Variants in CTNNB1 observed in about 807,000 individuals in gnomAD.
CTNNB1 encodes catenin beta 1, also known as catenin beta-1.
Under a neutral mutation model 82.5 loss-of-function variants are expected in CTNNB1, and 6 were observed. The ratio of observed to expected loss-of-function variants is 0.07; its 90% CI spans 0.04 to 0.14. The LOEUF (loss-of-function observed/expected upper bound fraction) is 0.14, where lower values mean the gene tolerates loss of function less well. CTNNB1 is among the 10% of genes least tolerant of loss of function. The pLI, the probability that CTNNB1 is intolerant of heterozygous loss-of-function variation, is 1.00. For synonymous variants in CTNNB1, 312 were observed against 329.7 expected (o/e 0.95, Z 0.58); for missense variants, 529 against 980.4 (o/e 0.54, Z 6.15).
Position 41,224,136 on chromosome 3 carries a change from A to G in CTNNB1, c.13+55A>G. 3 of 1,603,588 alleles carry G rather than the reference A, an allele frequency of 1.9e-6. No homozygotes were observed. In the African/African-American group the frequency reaches 4.0e-5, roughly 21 times the overall value. On this transcript the variant is annotated intron_variant, in intron 2 of 14. Transcript: ENST00000349496. ...ATTGGGGCTCTGCTTCGTTGCCATT[A>G]AGCCAGTCTGGCTGAGATCCCCCTG...
chr3:41,207,180 T>C (rs2125589315), intron 1 of CTNNB1, among the ~76,000 whole-genome samples: 1 of 152,314 alleles, frequency 6.6e-6, no homozygotes, highest in East Asian at 1.9e-4. Context: ...CTAGAAAGTT[T>C]ACAGATGAGA....
At chr3:41,236,003 C>T in intron 11 of CTNNB1, 160 bp downstream of exon 11, 1 of 902,458 alleles carries the variant, frequency 1.1e-6, no homozygotes, top group Non-Finnish European at 1.8e-6. Flanking sequence ...AACATTGAGA[C>T]TTGAGAAGAG....
chr3:41,234,516 G>A (rs1293741793), intron 10 of CTNNB1: 2 of 580,690 alleles, frequency 3.4e-6, no homozygotes, highest in Non-Finnish European at 6.1e-6. Flanking sequence ...CCTTCACATG[G>A]TCAGTCTTAC....
At chr3:41,227,079 G>A (rs1246295586) in intron 6 of CTNNB1, 129 bp from the exon 7 acceptor site, 2 of 781,046 alleles carry the variant, frequency 2.6e-6, no homozygotes, top group African/African-American at 3.4e-5. Flanking sequence ...TGGGGTCCAG[G>A]AATACATTTA....
intron 1 of CTNNB1, among the ~76,000 whole-genome samples, chr3:41,200,675 A>G (rs2077508292): frequency 1.3e-5 from 2 of 152,342 alleles, no homozygotes; most frequent in South Asian, 4.1e-4. Flanking sequence ...ATGGAATTCA[A>G]GCATTGCAAC....
At chr3:41,220,491 T>A (rs2078021962) in intron 1 of CTNNB1, 2 of 141,892 alleles carry the variant, frequency 1.4e-5, no homozygotes, top group East Asian at 4.2e-4. Flanking sequence ...ACTTAAAATG[T>A]TAGTGTTGCA....
rs1559475103 is a variant in CTNNB1, at chr3:41,234,308, T to G, written c.1683+11T>G. On this transcript the variant is annotated intron_variant, in intron 10 of 14. Transcript: ENST00000349496. Reference sequence around the variant, plus strand: ...CAGCAGCAATTTGTGGTAGGTAAATTCTTACAGTGATACCTGGCTATCTAA... The same window carrying G: ...CAGCAGCAATTTGTGGTAGGTAAATGCTTACAGTGATACCTGGCTATCTAA... The G allele has an allele frequency of 6.2e-7, 1 of 1,614,058 alleles. No individual in the cohort carries two copies. The highest frequency in any genetic ancestry group is 8.5e-7 in the Non-Finnish European group (1 of 1,179,916).
At chr3:41,209,387 A>C (rs1475231459) in intron 1 of CTNNB1, among the ~76,000 whole-genome samples, 1 of 152,130 alleles carries the variant, frequency 6.6e-6, no homozygotes, top group Admixed American at 6.5e-5. Flanking sequence ...GTTTTCCCCA[A>C]AGCTGCATCT....
At position 41,218,788 on chromosome 3, in the gene CTNNB1, C is replaced by T. The variant is rs373242271; in HGVS notation, c.-48-5233C>T. Among the ~76,000 whole-genome samples the T allele has an allele frequency of 3.1e-4, 47 of 152,332 alleles. 1 individual carries two copies. In the East Asian group the frequency reaches 4.4e-3, roughly 14 times the overall value. On this transcript the variant is annotated intron_variant, in intron 1 of 14. Transcript: ENST00000349496. ...CCCAGGCTGGTCTTGAACTCCTGGA[C>T]TCAGACAATCCACCTGCCTTGGCTT...
At chr3:41,215,570 G>A (rs1409348067) in intron 1 of CTNNB1, among the ~76,000 whole-genome samples, 1 of 151,966 alleles carries the variant, frequency 6.6e-6, no homozygotes, top group Non-Finnish European at 1.5e-5. Flanking sequence ...GCGAGAAGCT[G>A]TTTCTAAATG....
chr3:41,210,747 CA>C (rs2077763151), intron 1 of CTNNB1, among the ~76,000 whole-genome samples: 1 of 151,678 alleles, frequency 6.6e-6, no homozygotes, highest in Non-Finnish European at 1.5e-5. Flanking sequence ...CTGTAACAAT[CA>C]TTATCATTAT....
Position 41,235,726 on chromosome 3 carries a change from G to C in CTNNB1, c.1686G>C (p.Glu562Asp). Reference protein sequence around the residue: ...SMGGTQQQFVEGVRMEEIVEG... With the variant: ...SMGGTQQQFVDGVRMEEIVEG... Reference sequence around the variant, plus strand: ...GTTAACCATGTTTCTTTTGGCAGGAGGGGGTCCGCATGGAAGAAATAGTTG... The same window carrying C: ...GTTAACCATGTTTCTTTTGGCAGGACGGGGTCCGCATGGAAGAAATAGTTG... The change falls in exon 11 of 15, where the codon GAG becomes GAC. Residue 562 changes from glutamate (E) to aspartate (D), a missense_variant and splice_region_variant. Coordinates refer to ENST00000349496, the MANE Select transcript of CTNNB1 (RefSeq NM_001904.4). 4 of 1,614,110 alleles carry C rather than the reference G, an allele frequency of 2.5e-6. No homozygotes were observed. The highest frequency in any genetic ancestry group is 2.2e-5 in the South Asian group (2 of 91,080).
chr3:41,232,641 G>A (rs1014791168), intron 7 of CTNNB1, among the ~76,000 whole-genome samples: 3 of 151,976 alleles, frequency 2.0e-5, no homozygotes, highest in African/African-American at 7.3e-5. Context: ...CCCCATTTAA[G>A]GGTCCTAAAG....
At chr3:41,238,196 T>TA (rs1485942305) in intron 14 of CTNNB1, 120 bp downstream of exon 14, 13 of 852,598 alleles carry the variant, frequency 1.5e-5, no homozygotes, top group Non-Finnish European at 2.6e-5. Flanking sequence ...TGGCTTCAAT[T>TA]AAAAGCAGTT....
Position 41,237,848 on chromosome 3 carries a change from CT to C in CTNNB1, c.2077-165del, listed in dbSNP as rs1475980136. 1.1e-4 allele frequency: 71 copies of C among 632,382 alleles called. 1 individual carries two copies. The Middle Eastern group carries it at 2.1e-3, about 19-fold the overall frequency. The allele number at this position is 632,382 out of a possible 1,614,324, so 39.2% of individuals were successfully genotyped here. On this transcript the variant is annotated intron_variant, in intron 13 of 14. Transcript: ENST00000349496. ...GGTGCAAAGAGAAAAAAAAATGTAT[CT>C]TTGAGGTGTGGAGTTTTGAAGAACT...
At position 41,233,376 on chromosome 3, in the gene CTNNB1, C is replaced by T. The variant is rs751567042; in HGVS notation, c.1117C>T (p.Pro373Ser). 8.1e-6 allele frequency: 13 copies of T among 1,614,152 alleles called. No homozygotes were observed. The highest frequency in any genetic ancestry group is 1.1e-5 in the Non-Finnish European group (13 of 1,180,038). Residue 373 changes from proline (P) to serine (S), a missense_variant, in exon 8 of 15, where the codon CCA becomes TCA. Pro to Ser is a moderately conservative substitution (Grantham distance 74, BLOSUM62 -1). Coordinates refer to ENST00000349496, the MANE Select transcript of CTNNB1 (RefSeq NM_001904.4). The part of the protein sequence containing the change: ...MQALGLHLTD[P>S]SQRLVQNCLW... Reference sequence around the variant, plus strand: ...AGCTTTAGGACTTCACCTGACAGATCCAAGTCAACGTCTTGTTCAGAACTG... The same window carrying T: ...AGCTTTAGGACTTCACCTGACAGATTCAAGTCAACGTCTTGTTCAGAACTG...
rs759866899 is a variant in CTNNB1 at position 41,239,223 on chromosome 3, C to T, written c.2227C>T (p.His743Tyr). ...GATGGAACATGAGATGGGTGGCCAC[C>T]ACCCTGGTGCTGACTATCCAGTTGA... ...PMMEHEMGGH[H>Y]PGADYPVDGL... The change falls in exon 15 of 15, where the codon CAC (histidine) becomes TAC (tyrosine). Residue 743 changes from histidine to tyrosine, a missense_variant. Around this residue, in one of 4 missense-constraint regions of CTNNB1, gnomAD observed 102 missense variants for 130.8 expected, o/e 0.78. Coordinates refer to ENST00000349496, the MANE Select transcript of CTNNB1 (RefSeq NM_001904.4). The T allele has an allele frequency of 6.2e-7, 1 of 1,614,200 alleles. No individual in the cohort carries two copies. The highest frequency in any genetic ancestry group is 8.5e-7 in the Non-Finnish European group (1 of 1,180,028).
At chr3:41,200,399 A>G (rs1323988307) in intron 1 of CTNNB1, 1 of 152,130 alleles carries the variant, frequency 6.6e-6, no homozygotes, top group African/African-American at 2.4e-5. Flanking sequence ...AAAGCAGTGG[A>G]TAATGTACTG....
intron 13 of CTNNB1, 22 bp downstream of exon 13, chr3:41,236,731 T>C (rs371214297): frequency 8.1e-5 from 131 of 1,613,942 alleles, no homozygotes; most frequent in Non-Finnish European, 1.1e-4. Context: ...TGAGCAGTTA[T>C]TTATCTGGTA....
Sources: allele counts gnomAD v4.1 joint callset (sites outside exome capture counted in the v4.1 genomes callset), GRCh38; gene constraint gnomAD v4.1.1; regional missense constraint gnomAD v4.1.1; transcripts MANE v1.5; gene names NCBI Gene and HGNC (gene_info 2026-07-23, HGNC 2026-07-21).